PATJ: variants seen among roughly 807,000 people sequenced by gnomAD.
PATJ encodes the protein inaD-like protein.
PATJ carries 190 observed loss-of-function variants against 224.9 expected under a neutral mutation model. The ratio of observed to expected loss-of-function variants is 0.84; its 90% CI spans 0.75 to 0.95. The LOEUF is 0.95. Among genes scored for constraint, PATJ ranks in the 40% least tolerant of loss-of-function variants. PATJ has a pLI of 0.00. For synonymous variants in PATJ, 769 were observed against 820.3 expected (o/e 0.94, Z 1.07); for missense variants, 2,121 against 2,270.3 (o/e 0.93, Z 1.34).
In PATJ at chr1:61,805,385, G is replaced by C. The variant is rs1345501108; in HGVS notation, c.1550-63G>C. 17 of 982,284 alleles carry C rather than the reference G, an allele frequency of 1.7e-5. No homozygotes were observed. In the East Asian group the frequency reaches 4.1e-4, roughly 23 times the overall value. 60.8% of individuals were successfully genotyped at this position (982,284 alleles called of 1,614,324 possible). A position where few individuals can be genotyped will look rare whatever the true frequency, so the allele number is the denominator to read the frequency against. On this transcript the variant is annotated intron_variant, in intron 12 of 43. Transcript: ENST00000642238. ...TGTTATTGAAGAATTTAGCAGTTAAGTGTGTTTGGCTCACAGTAGTTTCAA... is the reference window on the plus strand; with the variant it reads ...TGTTATTGAAGAATTTAGCAGTTAACTGTGTTTGGCTCACAGTAGTTTCAA...
intron 29 of PATJ, among the ~76,000 whole-genome samples, chr1:62,020,634 A>G (rs1647024706): frequency 1.3e-5 from 2 of 152,230 alleles, no homozygotes; most frequent in African/African-American, 2.4e-5. Flanking sequence ...AGAATCAAGA[A>G]AAGAATTTGT....
chr1:61,871,439 A>ATATATATG (rs1553186000), intron 20 of PATJ, among the ~76,000 whole-genome samples: 4 of 86,334 alleles, frequency 4.6e-5, no homozygotes, highest in South Asian at 3.8e-4. Context: ...ATATATGTGT[A>ATATATATG]TATACACATA....
At chr1:61,812,433 A>AGAGAGAGAGTGT (rs1397549346) in intron 14 of PATJ, among the ~76,000 whole-genome samples, 10 of 85,202 alleles carry the variant, frequency 1.2e-4, no homozygotes, top group South Asian at 8.7e-4. Context: ...AGAGAGAGAG[A>AGAGAGAGAGTGT]GTGTGTGTGT....
chr1:62,156,053 G>GAAA (rs1669168831), intron 43 of PATJ, among the ~76,000 whole-genome samples: 1 of 18,972 alleles, frequency 5.3e-5, no homozygotes, highest in Admixed American at 9.1e-4. Context: ...GCAAGACTCT[G>GAAA]TAAAAAAAAA....
At chr1:62,116,436 G>A (rs557322626) in intron 35 of PATJ, 96 bp from the exon 36 acceptor site, 1,181 of 1,354,186 alleles carry the variant, frequency 8.7e-4, no homozygotes, top group Non-Finnish European at 1.1e-3. Context: ...GAAGAAGAAA[G>A]GAGCATATAT....
intron 28 of PATJ, among the ~76,000 whole-genome samples, chr1:62,002,731 A>AG (rs1347529869): frequency 7.2e-5 from 10 of 138,658 alleles, no homozygotes; most frequent in Admixed American, 4.9e-4. Flanking sequence ...AAAAAAAAAA[A>AG]AAAGAGAGAG....
chr1:61,989,718 A>G (rs1644956325), intron 27 of PATJ, among the ~76,000 whole-genome samples: 2 of 152,180 alleles, frequency 1.3e-5, no homozygotes, highest in Non-Finnish European at 2.9e-5. Flanking sequence ...TGATTGACTT[A>G]GGTAAGAAAA....
chr1:62,148,226 G>A, intron 41 of PATJ, 58 bp from the exon 42 acceptor site: 2 of 1,170,868 alleles, frequency 1.7e-6, no homozygotes. Flanking sequence ...ATACAGCATG[G>A]TTTCTCTAAT....
At chr1:62,101,168 G>C (rs2148833694) in intron 33 of PATJ, among the ~76,000 whole-genome samples, 1 of 151,986 alleles carries the variant, frequency 6.6e-6, no homozygotes, top group East Asian at 1.9e-4. Context: ...ATACTATTTT[G>C]AGTATGGTAC....
intron 31 of PATJ, among the ~76,000 whole-genome samples, chr1:62,064,846 G>T (rs1335534808): frequency 6.6e-6 from 1 of 152,154 alleles, no homozygotes; most frequent in Non-Finnish European, 1.5e-5. Context: ...GTTTGCTATT[G>T]GGAGCAAATG....
At chr1:61,954,731 A>C (rs986492354) in intron 27 of PATJ, among the ~76,000 whole-genome samples, 1 of 149,370 alleles carries the variant, frequency 6.7e-6, no homozygotes, top group Non-Finnish European at 1.5e-5. Flanking sequence ...TTTTTCTTAC[A>C]TTTATGATAT....
intron 41 of PATJ, among the ~76,000 whole-genome samples, chr1:62,133,959 T>C (rs1388490697): frequency 6.6e-6 from 1 of 152,006 alleles, no homozygotes; most frequent in Admixed American, 6.6e-5. Context: ...TTGGCCAGGC[T>C]GGTCTCAAAC....
At chr1:62,108,074 C>T (rs1461396777) in intron 33 of PATJ, among the ~76,000 whole-genome samples, 3 of 152,108 alleles carry the variant, frequency 2.0e-5, no homozygotes, top group Non-Finnish European at 2.9e-5. Flanking sequence ...ATGCCAAATC[C>T]TAGAATACCA....
At chr1:61,966,313 T>G (rs1394996046) in intron 27 of PATJ, among the ~76,000 whole-genome samples, 2 of 152,162 alleles carry the variant, frequency 1.3e-5, no homozygotes, top group Non-Finnish European at 2.9e-5. Flanking sequence ...GGTCATAGTG[T>G]TACTGGAAAG....
intron 33 of PATJ, among the ~76,000 whole-genome samples, chr1:62,089,652 A>G (rs1213463188): frequency 2.0e-5 from 3 of 152,234 alleles, no homozygotes; most frequent in Middle Eastern, 3.4e-3. Context: ...ATTTACCACA[A>G]TGCAAATCTT....
At chr1:61,959,927 G>T (rs141456803) in intron 27 of PATJ, among the ~76,000 whole-genome samples, 1 of 152,108 alleles carries the variant, frequency 6.6e-6, no homozygotes, top group Non-Finnish European at 1.5e-5. Context: ...GGAGGCTGAC[G>T]CAGGAAGATC....
chr1:61,769,916 A>C (rs1430316950), intron 5 of PATJ, among the ~76,000 whole-genome samples: 1 of 152,146 alleles, frequency 6.6e-6, no homozygotes, highest in Non-Finnish European at 1.5e-5. Context: ...ATTGTCAGTT[A>C]AGAGGCCCCT....
At chr1:61,793,670 T>G (rs1043860724) in intron 9 of PATJ, among the ~76,000 whole-genome samples, 4 of 150,914 alleles carry the variant, frequency 2.7e-5, no homozygotes, top group Non-Finnish European at 5.9e-5. Flanking sequence ...GAGCCGTGAT[T>G]GTGCCACTGC....
intron 17 of PATJ, among the ~76,000 whole-genome samples, chr1:61,853,076 G>A (rs1217512097): frequency 1.3e-5 from 2 of 152,148 alleles, no homozygotes; most frequent in Non-Finnish European, 1.5e-5. Context: ...ATTGGATTTA[G>A]TGTTTAGCAT....
Sources: allele counts gnomAD v4.1 joint callset (sites outside exome capture counted in the v4.1 genomes callset), GRCh38; gene constraint gnomAD v4.1.1; transcripts MANE v1.5; gene names NCBI Gene and HGNC (gene_info 2026-07-23, HGNC 2026-07-21).